The following PLXNA4 variants were observed in gnomAD, a reference collection of about 807,000 sequenced individuals.
The protein encoded by PLXNA4 is plexin A4, also known as plexin-A4.
Under a neutral mutation model 191.8 loss-of-function variants are expected in PLXNA4, and 44 were observed. The ratio of observed to expected loss-of-function variants is 0.23; its 90% CI spans 0.18 to 0.29. The LOEUF (loss-of-function observed/expected upper bound fraction) is 0.29, where lower values mean the gene tolerates loss of function less well. Among genes scored for constraint, PLXNA4 ranks in the 10% least tolerant of loss-of-function variants. The probability of loss-of-function intolerance (pLI) is 1.00; values close to 1 mark genes in which losing one functional copy is unlikely to be tolerated. For missense variants in PLXNA4, 1,800 were observed against 2,488.8 expected (o/e 0.72, Z 5.89); for synonymous variants, 1,082 against 1,009.5 (o/e 1.07, Z -1.36).
intron 4 of PLXNA4, among the ~76,000 whole-genome samples, chr7:132,258,161 C>T (rs949393468): frequency 1.3e-5 from 2 of 152,228 alleles, no homozygotes; most frequent in Non-Finnish European, 2.9e-5. Context: ...GAGAGGGTCT[C>T]CCCACCCCTG....
intron 4 of PLXNA4, among the ~76,000 whole-genome samples, chr7:132,291,863 A>T (rs1800904601): frequency 6.6e-6 from 1 of 152,132 alleles, no homozygotes; most frequent in Non-Finnish European, 1.5e-5. Flanking sequence ...GGCATGATCT[A>T]AGTTCACTGC....
intron 1 of PLXNA4, among the ~76,000 whole-genome samples, chr7:132,535,197 T>C (rs1358525979): frequency 6.6e-6 from 1 of 152,236 alleles, no homozygotes; most frequent in Non-Finnish European, 1.5e-5. Context: ...ATGAAGACTA[T>C]TTTGATATCT....
At chr7:132,154,829 G>A (rs895752124) in intron 25 of PLXNA4, among the ~76,000 whole-genome samples, 3 of 152,176 alleles carry the variant, frequency 2.0e-5, no homozygotes, top group Non-Finnish European at 4.4e-5. Context: ...CCGGCAGCCG[G>A]ATGCCCTGCT....
At position 132,376,924 on chromosome 7, in the gene PLXNA4, A is replaced by G. The variant is rs1307492614; in HGVS notation, c.1372-78702T>C. The stretch of plus-strand genomic sequence containing the variant: ...CTCTGCTTTTAGCAGGAGGAGCCAA[A>G]TCCCACCTATGGCAATGTTTGCTTC... On this transcript the variant is annotated intron_variant, in intron 3 of 31. Transcript: ENST00000321063. Among the ~76,000 whole-genome samples the G allele has an allele frequency of 3.3e-5, 5 of 152,170 alleles. No individual in the cohort carries two copies. In the East Asian group the frequency reaches 9.6e-4, roughly 29 times the overall value.
chr7:132,602,337 G>A (rs905990433), intron 2 of PLXNA4, among the ~76,000 whole-genome samples: 3 of 152,134 alleles, frequency 2.0e-5, no homozygotes, highest in African/African-American at 7.2e-5. Flanking sequence ...TTTGCAGGGA[G>A]GTTTGGAGCT....
intron 3 of PLXNA4, among the ~76,000 whole-genome samples, chr7:132,393,276 G>T (rs1793596628): frequency 6.8e-6 from 1 of 147,196 alleles, no homozygotes; most frequent in Non-Finnish European, 1.5e-5. Context: ...CCTACAGAGG[G>T]TGATAAATCC....
intron 2 of PLXNA4, among the ~76,000 whole-genome samples, chr7:132,499,594 G>A (rs533567326): frequency 6.6e-6 from 1 of 152,316 alleles, no homozygotes; most frequent in South Asian, 2.1e-4. Flanking sequence ...GCAGCCACAA[G>A]GGCTGTCATT....
At chr7:132,390,071 A>G (rs182663284) in intron 3 of PLXNA4, among the ~76,000 whole-genome samples, 20 of 152,352 alleles carry the variant, frequency 1.3e-4, no homozygotes, top group African/African-American at 4.8e-4. Context: ...CACTGGGTAT[A>G]TACCCAAAGT....
intron 4 of PLXNA4, among the ~76,000 whole-genome samples, chr7:132,260,598 T>C (rs1799603384): frequency 6.6e-6 from 1 of 151,968 alleles, no homozygotes. Context: ...GGATCATTTG[T>C]ACACCAAACT....
intron 3 of PLXNA4, among the ~76,000 whole-genome samples, chr7:132,471,057 T>C (rs1418999874): frequency 6.6e-6 from 1 of 152,072 alleles, no homozygotes; most frequent in Non-Finnish European, 1.5e-5. Flanking sequence ...TCATTAATGG[T>C]TTAGTACCAT....
intron 9 of PLXNA4, among the ~76,000 whole-genome samples, chr7:132,221,356 G>A (rs1011927188): frequency 2.0e-5 from 3 of 152,174 alleles, no homozygotes; most frequent in South Asian, 2.1e-4. Context: ...GGGCCTCTCC[G>A]CACATAGAAC....
chr7:132,520,478 C>G (rs566222940), intron 1 of PLXNA4, among the ~76,000 whole-genome samples: 20 of 152,322 alleles, frequency 1.3e-4, no homozygotes, highest in African/African-American at 4.8e-4. Context: ...CCCACCCACC[C>G]AAGGGCTTAA....
intron 3 of PLXNA4, among the ~76,000 whole-genome samples, chr7:132,361,535 C>T (rs1198892310): frequency 6.6e-6 from 1 of 152,132 alleles, no homozygotes; most frequent in Non-Finnish European, 1.5e-5. Flanking sequence ...AAGATTTCTC[C>T]CCAATCCTCA....
At chr7:132,618,593 T>G (rs1803199501) in intron 2 of PLXNA4, among the ~76,000 whole-genome samples, 1 of 152,216 alleles carries the variant, frequency 6.6e-6, no homozygotes, top group Admixed American at 6.5e-5. Context: ...CGGTTTTTCC[T>G]CCTTGTCCTC....
chr7:132,345,727 C>A (rs968495924), intron 3 of PLXNA4, among the ~76,000 whole-genome samples: 30 of 152,330 alleles, frequency 2.0e-4, no homozygotes, highest in African/African-American at 7.2e-4. Context: ...CCAAGAGTAA[C>A]TCTTCTGGCA....
chr7:132,233,015 T>A (rs1412304596), intron 5 of PLXNA4, among the ~76,000 whole-genome samples: 1 of 152,120 alleles, frequency 6.6e-6, no homozygotes, highest in Non-Finnish European at 1.5e-5. Context: ...CTGCAGATGA[T>A]CCCCAATCCT....
chr7:132,139,577 A>C (rs1052925507), intron 30 of PLXNA4, among the ~76,000 whole-genome samples: 4 of 152,226 alleles, frequency 2.6e-5, no homozygotes, highest in African/African-American at 9.6e-5. Context: ...GCTGGGGGTG[A>C]CAAAGCCCAT....
At chr7:132,516,960 C>G (rs1798965947) in intron 1 of PLXNA4, among the ~76,000 whole-genome samples, 1 of 151,924 alleles carries the variant, frequency 6.6e-6, no homozygotes, top group Non-Finnish European at 1.5e-5. Flanking sequence ...CTACCTCAAA[C>G]AAACAAACAA....
chr7:132,647,456 T>C (rs1563203385), intron 1 of PLXNA4, among the ~76,000 whole-genome samples: 1 of 151,672 alleles, frequency 6.6e-6, no homozygotes, highest in Non-Finnish European at 1.5e-5. Context: ...CACACTTACA[T>C]ACACAGTCAC....
Sources: gnomAD v4.1 joint callset for allele counts (sites outside exome capture counted in the v4.1 genomes callset) on GRCh38, gnomAD v4.1.1 for gene constraint, MANE v1.5 for transcripts, NCBI Gene and HGNC (gene_info 2026-07-23, HGNC 2026-07-21) for gene names.